HMCN1: variants seen among roughly 807,000 people sequenced by gnomAD.
HMCN1 encodes hemicentin-1.
In HMCN1, 321 loss-of-function variants were observed where a neutral mutation model predicts 625.9. That is an observed-to-expected ratio of 0.51 (90% CI 0.47 to 0.56). HMCN1 has a LOEUF of 0.56. Ranked by LOEUF, HMCN1 falls within the 20% of genes least tolerant of loss-of-function variation. The probability of loss-of-function intolerance (pLI) is 0.00; values close to 1 mark genes in which losing one functional copy is unlikely to be tolerated. For missense variants in HMCN1, 6,588 were observed against 6,887.3 expected, an observed-to-expected ratio of 0.96 and a Z score of 1.54; for synonymous variants, 2,425 against 2,417.6, an observed-to-expected ratio of 1.00 and a Z score of -0.09.
chr1:186,060,453 A>G (rs928605209), intron 46 of HMCN1, among the ~76,000 whole-genome samples: 10 of 152,052 alleles, frequency 6.6e-5, no homozygotes, highest in African/African-American at 2.4e-4. Flanking sequence ...AGTTCTCTGC[A>G]GGTTTTGTTT....
intron 86 of HMCN1, among the ~76,000 whole-genome samples, chr1:186,134,679 C>T (rs1426346752): frequency 6.6e-6 from 1 of 152,138 alleles, no homozygotes; most frequent in Non-Finnish European, 1.5e-5. Flanking sequence ...CAACAAAACA[C>T]ATTTTTGTTC....
In HMCN1 at chr1:186,016,068, A is replaced by G; in HGVS notation, c.5020A>G (p.Thr1674Ala). The change falls in exon 32 of 107, where the codon ACC (threonine) becomes GCC (alanine). Residue 1674 changes from threonine to alanine, a missense_variant. Around this residue, in one of 3 missense-constraint regions of HMCN1, gnomAD observed 4,628 missense variants for 4,853.1 expected, o/e 0.95. Transcript: ENST00000271588. ...TGCTGGAAACCCTTCTCCCATTCTC[A>G]CCTGGTTGAAAGATGGTGTACCTGT... ...KAAGNPSPIL[T>A]WLKDGVPVKA... is the part of the protein sequence containing the mutation. The G allele has an allele frequency of 6.2e-7, 1 of 1,613,442 alleles. No individual in the cohort carries two copies. Among genetic ancestry groups the G allele is most frequent in the Non-Finnish European group, 8.5e-7 (1 of 1,179,614 alleles).
chr1:185,758,709 CT>C (rs2102115418), intron 1 of HMCN1, among the ~76,000 whole-genome samples: 2 of 151,958 alleles, frequency 1.3e-5, no homozygotes, highest in African/African-American at 4.8e-5. Flanking sequence ...TCCTTTTTTT[CT>C]TCTTCCTTCT....
chr1:186,039,585 A>G lies in HMCN1; in HGVS notation c.6029-143A>G, dbSNP rs1027749641. ...GATGGCTGTGATTAGATCTTAAATA[A>G]GAGAGATGTGAAAGAACTTACCAAA... is the stretch of plus-strand genomic sequence containing the variant. On this transcript the variant is annotated intron_variant, in intron 38 of 106. Coordinates refer to ENST00000271588, the MANE Select transcript of HMCN1 (RefSeq NM_031935.3). The G allele has an allele frequency of 5.0e-6, 4 of 802,638 alleles. No homozygotes were observed. In the South Asian group the frequency reaches 5.9e-5, roughly 12 times the overall value. The allele number at this position is 802,638 out of a possible 1,614,324, so 49.7% of individuals were successfully genotyped here.
At chr1:186,119,373 T>C in intron 78 of HMCN1, 75 bp downstream of exon 78, 1 of 1,049,204 alleles carries the variant, frequency 9.5e-7, no homozygotes, top group South Asian at 1.3e-5. Context: ...TTCTGAAAGG[T>C]GGTAGGTACT....
At chr1:185,888,087 T>C (rs1238439338) in intron 4 of HMCN1, among the ~76,000 whole-genome samples, 1 of 136,704 alleles carries the variant, frequency 7.3e-6, no homozygotes, top group Non-Finnish European at 1.5e-5. Flanking sequence ...CATGTGTTTT[T>C]TGGCTGCATA....
chr1:185,880,213 T>C (rs183314171), intron 4 of HMCN1, among the ~76,000 whole-genome samples: 1 of 152,242 alleles, frequency 6.6e-6, no homozygotes, highest in Admixed American at 6.5e-5. Context: ...AACATTGGAA[T>C]GGACATTTTG....
At chr1:185,803,817 A>G (rs1658982259) in intron 1 of HMCN1, among the ~76,000 whole-genome samples, 1 of 152,112 alleles carries the variant, frequency 6.6e-6, no homozygotes, top group African/African-American at 2.4e-5. Flanking sequence ...TCATCTATAA[A>G]ACAAAGGCAT....
In HMCN1 at chr1:186,108,505, G is replaced by C; in HGVS notation, c.10897G>C (p.Val3633Leu). 6.2e-7 allele frequency: 1 copy of C among 1,614,106 alleles called. No homozygotes were observed. Among genetic ancestry groups the C allele is most frequent in the Non-Finnish European group, 8.5e-7 (1 of 1,179,996 alleles). ...AACTGATGAGCCCCGGGATATCACT[G>C]TGTTACGGAACAGACAAGTGACATT... Reference protein sequence around the residue: ...AGTDEPRDITVLRNRQVTLEC... With the variant: ...AGTDEPRDITLLRNRQVTLEC... Residue 3633 changes from valine to leucine, a missense_variant, in exon 71 of 107, where the codon GTG (valine) becomes CTG (leucine). Physicochemically the swap from Val to Leu is conservative, Grantham distance 32. Transcript: ENST00000271588.
At position 186,087,970 on chromosome 1, in the gene HMCN1, T is replaced by C. The variant is rs1659615252; in HGVS notation, c.9402T>C (p.Asn3134=). The C allele has an allele frequency of 6.2e-7, 1 of 1,613,096 alleles. No homozygotes were observed. Among genetic ancestry groups the C allele is most frequent in the African/African-American group, 1.3e-5 (1 of 74,872 alleles). Residue 3134 remains asparagine (N), a synonymous_variant, in exon 61 of 107, where the codon AAT becomes AAC. Coordinates refer to ENST00000271588, the MANE Select transcript of HMCN1 (RefSeq NM_031935.3). Reference sequence around the variant, plus strand: ...GCCAGTATGTATGTAGAGCTATAAATGTAGCAGGACGGGATGATAAAAATT... The same window carrying C: ...GCCAGTATGTATGTAGAGCTATAAACGTAGCAGGACGGGATGATAAAAATT... ...DTGQYVCRAI[N]VAGRDDKNFH...
chr1:185,861,195 C>A (rs1201819347), intron 2 of HMCN1, among the ~76,000 whole-genome samples: 1 of 152,160 alleles, frequency 6.6e-6, no homozygotes, highest in East Asian at 1.9e-4. Context: ...ATACCCAAGT[C>A]AAACGGCTCA....
chr1:186,120,465 G>T (rs756214690), intron 80 of HMCN1, among the ~76,000 whole-genome samples: 2 of 152,036 alleles, frequency 1.3e-5, no homozygotes, highest in African/African-American at 2.4e-5. Context: ...TACTACCTTG[G>T]ATACATTACA....
intron 83 of HMCN1, among the ~76,000 whole-genome samples, chr1:186,129,741 A>G (rs543385496): frequency 2.6e-4 from 39 of 152,296 alleles, no homozygotes; most frequent in Admixed American, 2.2e-3. Flanking sequence ...GTTTGTTTTC[A>G]TCCTCTTTTC....
chr1:185,921,751 A>C, intron 6 of HMCN1, among the ~76,000 whole-genome samples: 1 of 152,204 alleles, frequency 6.6e-6, no homozygotes, highest in Admixed American at 6.5e-5. Context: ...CTTGTTCATA[A>C]GTCTTAGGTG....
chr1:185,928,243 A>G (rs74134216), intron 9 of HMCN1, among the ~76,000 whole-genome samples: 2,205 of 152,250 alleles, frequency 0.014, 38 homozygotes, highest in African/African-American at 0.046. Context: ...GGATTAATGA[A>G]TATTTCTTTG....
chr1:185,766,200 CA>C (rs1655859024), intron 1 of HMCN1, among the ~76,000 whole-genome samples: 1 of 152,054 alleles, frequency 6.6e-6, no homozygotes, highest in Non-Finnish European at 1.5e-5. Flanking sequence ...CTGAAAACAG[CA>C]AAAATGTTTT....
intron 1 of HMCN1, among the ~76,000 whole-genome samples, chr1:185,747,942 C>A (rs1176728132): frequency 6.6e-6 from 1 of 151,614 alleles, no homozygotes; most frequent in Non-Finnish European, 1.5e-5. Context: ...GTCAGGGTAA[C>A]CTTTATGCTC....
At chr1:186,010,493 A>G (rs1315425453) in intron 30 of HMCN1, among the ~76,000 whole-genome samples, 1 of 152,210 alleles carries the variant, frequency 6.6e-6, no homozygotes, top group Non-Finnish European at 1.5e-5. Flanking sequence ...TTCCTGATAC[A>G]AATGGTATCC....
chr1:186,138,923 T>C (rs1649789332), intron 89 of HMCN1, among the ~76,000 whole-genome samples: 1 of 152,216 alleles, frequency 6.6e-6, no homozygotes, highest in Non-Finnish European at 1.5e-5. Flanking sequence ...AAATATTTAC[T>C]GAGCACTTAC....
Sources: gnomAD v4.1 joint callset for allele counts (sites outside exome capture counted in the v4.1 genomes callset) on GRCh38, gnomAD v4.1.1 for gene constraint, gnomAD v4.1.1 regional missense constraint, MANE v1.5 for transcripts, NCBI Gene and HGNC (gene_info 2026-07-23, HGNC 2026-07-21) for gene names.